Variants in VPS13B observed in about 807,000 individuals in gnomAD.
VPS13B encodes vacuolar protein sorting 13 homolog B.
In VPS13B, 285 loss-of-function variants were observed where a neutral mutation model predicts 426.4. The ratio of observed to expected loss-of-function variants is 0.67; its 90% CI spans 0.61 to 0.74. The LOEUF is 0.74. Among genes scored for constraint, VPS13B ranks in the 30% least tolerant of loss-of-function variants. The pLI, the probability that VPS13B is intolerant of heterozygous loss-of-function variation, is 0.00. For missense variants in VPS13B, 4,537 were observed against 4,782.6 expected (o/e 0.95, Z 1.51); for synonymous variants, 1,676 against 1,676.4 (o/e 1.00, Z 0.01).
chr8:99,832,539 A>G lies in VPS13B; in HGVS notation c.9501A>G (p.Pro3167=), dbSNP rs1448281466. The change falls in exon 52 of 62, where the codon CCA becomes CCG. Residue 3167 remains proline, a synonymous_variant. Transcript: ENST00000357162. The stretch of plus-strand genomic sequence containing the variant: ...TCATGCTGGGCTTTTCTCCTGCCCC[A>G]GGTGCTGACAGCTCACAGTGCTGGA... The part of the protein sequence containing the change: ...KQIMLGFSPA[P]GADSSQCWSL... 3.7e-6 allele frequency: 6 copies of G among 1,613,870 alleles called. No individual in the cohort carries two copies. The highest frequency in any genetic ancestry group is 1.7e-4 in the Middle Eastern group (1 of 5,994).
intron 3 of VPS13B, among the ~76,000 whole-genome samples, chr8:99,060,915 G>A (rs1023819411): frequency 6.6e-6 from 1 of 152,116 alleles, no homozygotes; most frequent in Non-Finnish European, 1.5e-5. Flanking sequence ...GACAAGGAAG[G>A]CTTTAGTTTC....
intron 43 of VPS13B, among the ~76,000 whole-genome samples, chr8:99,808,793 TAAC>T (rs1422586842): frequency 5.0e-5 from 7 of 139,452 alleles, no homozygotes; most frequent in Non-Finnish European, 1.1e-4. Flanking sequence ...AATAAGTACA[TAAC>T]AAAAAAAAAA....
intron 36 of VPS13B, among the ~76,000 whole-genome samples, chr8:99,708,031 T>C (rs537094859): frequency 2.0e-5 from 3 of 152,198 alleles, no homozygotes; most frequent in Admixed American, 2.0e-4. Flanking sequence ...AATTGATTCT[T>C]CAGCAGTTTC....
chr8:99,041,211 G>A (rs1842948259), intron 3 of VPS13B, among the ~76,000 whole-genome samples: 1 of 152,172 alleles, frequency 6.6e-6, no homozygotes, highest in Non-Finnish European at 1.5e-5. Flanking sequence ...CTTCACTCAT[G>A]AAATAGTTGT....
chr8:99,119,620 A>T (rs1023001644), intron 7 of VPS13B, among the ~76,000 whole-genome samples: 4 of 152,130 alleles, frequency 2.6e-5, no homozygotes, highest in African/African-American at 9.7e-5. Context: ...TGGTACTGTT[A>T]TTTTAGTTAC....
chr8:99,564,584 C>T (rs1417574370), intron 31 of VPS13B, among the ~76,000 whole-genome samples: 5 of 152,158 alleles, frequency 3.3e-5, no homozygotes, highest in African/African-American at 1.2e-4. Flanking sequence ...GAGAACAAGC[C>T]AGAATCTGCC....
intron 35 of VPS13B, among the ~76,000 whole-genome samples, chr8:99,668,355 C>CAAAAAAAAAAA (rs35852232): frequency 1.1e-5 from 1 of 94,768 alleles, no homozygotes; most frequent in Non-Finnish European, 2.2e-5. Flanking sequence ...GACCCTGTCT[C>CAAAAAAAAAAA]AAAAAAAAAA....
At chr8:99,565,365 C>CTT (rs200057208) in intron 31 of VPS13B, among the ~76,000 whole-genome samples, 1 of 143,762 alleles carries the variant, frequency 7.0e-6, no homozygotes, top group Admixed American at 6.9e-5. Context: ...ACTCTGTGGG[C>CTT]TTTTTTTTTT....
chr8:99,360,949 G>T (rs184240624), intron 19 of VPS13B, among the ~76,000 whole-genome samples: 119 of 152,228 alleles, frequency 7.8e-4, no homozygotes, highest in African/African-American at 2.8e-3. Context: ...TCCTTTGAGA[G>T]AAATCATCAC....
At chr8:99,048,039 AG>A (rs113558458) in intron 3 of VPS13B, among the ~76,000 whole-genome samples, 12,614 of 152,188 alleles carry the variant, frequency 0.083, 881 homozygotes, top group African/African-American at 0.19. Context: ...AGGTTTTGAT[AG>A]GTCGTGTCAC....
intron 17 of VPS13B, among the ~76,000 whole-genome samples, chr8:99,224,826 G>C (rs1262334739): frequency 6.6e-6 from 1 of 151,732 alleles, no homozygotes; most frequent in Admixed American, 6.6e-5. Context: ...TGGTGGTCAC[G>C]TACCACTCTG....
intron 19 of VPS13B, among the ~76,000 whole-genome samples, chr8:99,310,093 G>A (rs557799456): frequency 6.6e-6 from 1 of 152,276 alleles, no homozygotes; most frequent in South Asian, 2.1e-4. Flanking sequence ...CTGAGACGAT[G>A]GGGTTTTCTA....
intron 16 of VPS13B, among the ~76,000 whole-genome samples, chr8:99,184,519 A>G (rs1245942843): frequency 5.3e-5 from 8 of 152,142 alleles, no homozygotes; most frequent in Non-Finnish European, 1.2e-4. Context: ...CATTTATTAC[A>G]CTTTTATTTT....
In VPS13B at chr8:99,577,550, C is replaced by A. The variant is rs187596259; in HGVS notation, c.5137C>A (p.Leu1713Ile). The change falls in exon 33 of 62, where the codon CTA (leucine) becomes ATA (isoleucine). Residue 1713 changes from leucine (L) to isoleucine (I), a missense_variant. Physicochemically the swap from Leu to Ile is conservative, Grantham distance 5. Coordinates refer to ENST00000357162, the MANE Select transcript of VPS13B (RefSeq NM_152564.5). ...TATAACCACAAACCTGGACTTCTTCCTAAGTGTGGCTCAAGTTCAACTCTT... is the reference window on the plus strand; with the variant it reads ...TATAACCACAAACCTGGACTTCTTCATAAGTGTGGCTCAAGTTCAACTCTT... ...VNITTNLDFFLSVAQVQLLHQ... is the reference protein window; with the variant it reads ...VNITTNLDFFISVAQVQLLHQ... 1.2e-6 allele frequency: 2 copies of A among 1,613,720 alleles called. No individual in the cohort carries two copies. The highest frequency in any genetic ancestry group is 1.7e-6 in the Non-Finnish European group (2 of 1,179,788).
At chr8:99,498,005 A>T (rs941761041) in intron 25 of VPS13B, among the ~76,000 whole-genome samples, 1 of 152,130 alleles carries the variant, frequency 6.6e-6, no homozygotes, top group Non-Finnish European at 1.5e-5. Context: ...GGTTAGAAAA[A>T]TGAAGGTTAT....
At position 99,766,912 on chromosome 8, in the gene VPS13B, T is replaced by C; in HGVS notation, c.7189T>C (p.Ser2397Pro). 6.2e-7 allele frequency: 1 copy of C among 1,614,050 alleles called. No individual in the cohort carries two copies. The highest frequency in any genetic ancestry group is 8.5e-7 in the Non-Finnish European group (1 of 1,179,972). ...NLVNDQKKLV[S>P]SDLWRIVLNS... The stretch of plus-strand genomic sequence containing the variant: ...CGTGAATGACCAGAAGAAATTAGTA[T>C]CTTCAGATCTTTGGAGAATTGTCTT... The change falls in exon 40 of 62, where the codon TCT (serine) becomes CCT (proline). Residue 2397 changes from serine to proline, a missense_variant. By Grantham distance (74) the Ser-to-Pro change is moderately conservative. Transcript: ENST00000357162.
At chr8:99,233,582 G>T in intron 17 of VPS13B, 1 of 1,224,910 alleles carries the variant, frequency 8.2e-7, no homozygotes, top group Non-Finnish European at 1.2e-6. Context: ...GGTATTAACA[G>T]CCAGCATATC....
intron 19 of VPS13B, among the ~76,000 whole-genome samples, chr8:99,352,039 C>T (rs1291604757): frequency 6.6e-6 from 1 of 152,120 alleles, no homozygotes; most frequent in Non-Finnish European, 1.5e-5. Context: ...CTGATGTTAA[C>T]CTCCTTTAGA....
intron 34 of VPS13B, among the ~76,000 whole-genome samples, chr8:99,654,054 TA>T (rs1563846274): frequency 2.0e-5 from 3 of 150,636 alleles, no homozygotes; most frequent in Non-Finnish European, 4.4e-5. Context: ...ATTATTATTA[TA>T]TATATTTTTT....
Sources: gnomAD v4.1 joint callset for allele counts (sites outside exome capture counted in the v4.1 genomes callset) on GRCh38, gnomAD v4.1.1 for gene constraint, MANE v1.5 for transcripts, NCBI Gene and HGNC (gene_info 2026-07-23, HGNC 2026-07-21) for gene names.